PHKB: variants seen among roughly 807,000 people sequenced by gnomAD.
PHKB encodes the protein phosphorylase b kinase regulatory subunit beta.
PHKB carries 122 observed loss-of-function variants against 152.1 expected under a neutral mutation model. The observed-to-expected ratio is 0.80, with a 90% CI of 0.69 to 0.93. The LOEUF (loss-of-function observed/expected upper bound fraction) is 0.93, where lower values mean the gene tolerates loss of function less well. Ranked by LOEUF, PHKB falls within the 40% of genes least tolerant of loss-of-function variation. PHKB has a pLI of 0.00. For synonymous variants in PHKB, 436 were observed against 464.9 expected (o/e 0.94, Z 0.80); for missense variants, 1,304 against 1,328.4 (o/e 0.98, Z 0.29).
chr16:47,535,458 A>G (rs1309854678), intron 6 of PHKB, among the ~76,000 whole-genome samples: 1 of 152,178 alleles, frequency 6.6e-6, no homozygotes, highest in Non-Finnish European at 1.5e-5. Flanking sequence ...TTATATTACC[A>G]TAGATGTTTT....
chr16:47,656,435 C>A (rs1973339794), intron 20 of PHKB, among the ~76,000 whole-genome samples: 1 of 152,150 alleles, frequency 6.6e-6, no homozygotes, highest in Non-Finnish European at 1.5e-5. Flanking sequence ...CATAACTGTT[C>A]TAGACTTACA....
At chr16:47,547,689 A>G in intron 7 of PHKB, 141 bp downstream of exon 7, 1 of 631,048 alleles carries the variant, frequency 1.6e-6, no homozygotes, top group Non-Finnish European at 2.8e-6. Flanking sequence ...TGCAGATGGA[A>G]GTCACTTAAA....
At chr16:47,535,004 G>A (rs1279296058) in intron 6 of PHKB, among the ~76,000 whole-genome samples, 1 of 152,130 alleles carries the variant, frequency 6.6e-6, no homozygotes, top group Non-Finnish European at 1.5e-5. Context: ...CTTCACTTTG[G>A]GTATCAGGGA....
intron 4 of PHKB, among the ~76,000 whole-genome samples, chr16:47,506,141 C>T (rs1373297876): frequency 6.7e-6 from 1 of 150,024 alleles, no homozygotes; most frequent in Non-Finnish European, 1.5e-5. Context: ...GTAATGAGGT[C>T]AGGAGTTCGA....
At chr16:47,571,706 G>A (rs567466318) in intron 7 of PHKB, among the ~76,000 whole-genome samples, 17 of 152,284 alleles carry the variant, frequency 1.1e-4, no homozygotes, top group South Asian at 4.1e-4. Context: ...CTGTATCTGC[G>A]TTGTTGAACA....
At chr16:47,606,578 C>T (rs1972328259) in intron 13 of PHKB, among the ~76,000 whole-genome samples, 1 of 152,174 alleles carries the variant, frequency 6.6e-6, no homozygotes, top group Non-Finnish European at 1.5e-5. Flanking sequence ...AATTAATTTG[C>T]ACATGTGTGA....
At chr16:47,515,765 C>T (rs1970585525) in intron 6 of PHKB, among the ~76,000 whole-genome samples, 164 bp downstream of exon 6, 1 of 151,928 alleles carries the variant, frequency 6.6e-6, no homozygotes, top group African/African-American at 2.4e-5. Flanking sequence ...GTCTTTATAT[C>T]TTCAATGCAT....
intron 27 of PHKB, among the ~76,000 whole-genome samples, chr16:47,692,397 C>G (rs1974076851): frequency 6.6e-6 from 1 of 152,168 alleles, no homozygotes; most frequent in Non-Finnish European, 1.5e-5. Context: ...AGGAGGATTA[C>G]TTGAGGCCAG....
chr16:47,557,791 G>C (rs1301401939), intron 7 of PHKB, among the ~76,000 whole-genome samples: 2 of 152,044 alleles, frequency 1.3e-5, no homozygotes, highest in African/African-American at 4.8e-5. Context: ...TGGTGAGACT[G>C]TAAACTAGTT....
intron 20 of PHKB, among the ~76,000 whole-genome samples, chr16:47,657,070 T>G (rs991515896): frequency 6.6e-6 from 1 of 152,160 alleles, no homozygotes; most frequent in Non-Finnish European, 1.5e-5. Context: ...TGGAATTAAT[T>G]TCTCCTTTCA....
intron 7 of PHKB, among the ~76,000 whole-genome samples, chr16:47,554,832 C>G (rs1274774196): frequency 1.3e-5 from 2 of 152,178 alleles, no homozygotes; most frequent in South Asian, 2.1e-4. Context: ...TCAGCTCGCT[C>G]TCTGTGGGCT....
rs552362995 is a variant in PHKB at position 47,498,267 on chromosome 16, A to C, written c.166+779A>C. On this transcript the variant is annotated intron_variant, in intron 2 of 30. Coordinates refer to ENST00000323584, the MANE Select transcript of PHKB (RefSeq NM_000293.3). ...TTATCTTTTTGGCAATAACTAGCTA[A>C]AGAGAACTAACTATATTTTTTTATG... 1.8e-3 allele frequency among the ~76,000 whole-genome samples: 281 copies of C among 152,344 alleles called. 1 individual carries two copies. The highest frequency in any genetic ancestry group is 6.4e-3 in the African/African-American group (268 of 41,576).
Position 47,463,971 on chromosome 16 carries a change from G to C in PHKB, c.76+2545G>C, listed in dbSNP as rs771634122. On this transcript the variant is annotated intron_variant, in intron 1 of 30. Transcript: ENST00000323584. ...GCTCACCTGATGCAGTCGTCTCTCCGTCTTCCGCTTTCTTAAGGTCTGGTA... is the reference window on the plus strand; with the variant it reads ...GCTCACCTGATGCAGTCGTCTCTCCCTCTTCCGCTTTCTTAAGGTCTGGTA... 7 of 1,613,354 alleles carry C rather than the reference G, an allele frequency of 4.3e-6. No individual in the cohort carries two copies. The South Asian group carries it at 7.7e-5, about 18-fold the overall frequency.
intron 14 of PHKB, among the ~76,000 whole-genome samples, chr16:47,631,180 G>T (rs1972819579): frequency 6.6e-6 from 1 of 152,040 alleles, no homozygotes; most frequent in Non-Finnish European, 1.5e-5. Context: ...ATCTCTGCCT[G>T]CTATAGCAAG....
chr16:47,483,034 C>CTTT lies in PHKB; in HGVS notation c.77-14346_77-14344dup, dbSNP rs35429055. ...CCATGCCTGGCCTATTAAATAATTTCTTTTTTTTTTTTTTTTTTTTTGGAG... is the reference window on the plus strand; with the variant it reads ...CCATGCCTGGCCTATTAAATAATTTCTTTTTTTTTTTTTTTTTTTTTTTTGGAG... On this transcript the variant is annotated intron_variant, in intron 1 of 30. Coordinates refer to ENST00000323584, the MANE Select transcript of PHKB (RefSeq NM_000293.3). Among the ~76,000 whole-genome samples, 97 of 91,836 alleles carry CTTT rather than the reference C, an allele frequency of 1.1e-3. 1 individual carries two copies. The highest frequency in any genetic ancestry group is 1.7e-3 in the East Asian group (5 of 2,872). 60.2% of individuals were successfully genotyped at this position (91,836 alleles called of 152,430 possible). A position where few individuals can be genotyped will look rare whatever the true frequency, so the allele number is the denominator to read the frequency against.
intron 1 of PHKB, chr16:47,462,076 T>G (rs1969574014): frequency 6.6e-6 from 1 of 152,228 alleles, no homozygotes; most frequent in Non-Finnish European, 1.5e-5. Context: ...TTGCAGGCAG[T>G]TTTAACAGTT....
At chr16:47,612,595 T>C (rs1359406211) in intron 14 of PHKB, among the ~76,000 whole-genome samples, 3 of 152,226 alleles carry the variant, frequency 2.0e-5, no homozygotes, top group African/African-American at 7.2e-5. Flanking sequence ...TACTGAATTA[T>C]CTGTGTCATG....
At chr16:47,566,771 A>G in intron 7 of PHKB, 1 of 743,350 alleles carries the variant, frequency 1.3e-6, no homozygotes, top group East Asian at 2.5e-5. Flanking sequence ...CATCTGTTTC[A>G]TGAGCCCAGC....
intron 8 of PHKB, among the ~76,000 whole-genome samples, chr16:47,584,721 C>A (rs1328235710): frequency 6.6e-6 from 1 of 152,118 alleles, no homozygotes; most frequent in East Asian, 1.9e-4. Flanking sequence ...AATCTCCTGA[C>A]CATAGTTTTG....
Sources: allele counts gnomAD v4.1 joint callset (sites outside exome capture counted in the v4.1 genomes callset), GRCh38; gene constraint gnomAD v4.1.1; transcripts MANE v1.5; gene names NCBI Gene and HGNC (gene_info 2026-07-23, HGNC 2026-07-21).